SP100: variants seen among roughly 807,000 people sequenced by gnomAD.
SP100 encodes nuclear autoantigen Sp-100.
Under a neutral mutation model 130.0 loss-of-function variants are expected in SP100, and 84 were observed. That is an observed-to-expected ratio of 0.65 (90% CI 0.54 to 0.77). SP100 has a LOEUF of 0.77. Ranked by LOEUF, SP100 falls within the 30% of genes least tolerant of loss-of-function variation. The pLI is 0.00. For missense variants in SP100, 978 were observed against 1,052.2 expected (o/e 0.93, Z 0.97); for synonymous variants, 331 against 351.7 (o/e 0.94, Z 0.66).
chr2:230,473,872 A>G (rs2065398557), intron 16 of SP100, among the ~76,000 whole-genome samples: 1 of 151,570 alleles, frequency 6.6e-6, no homozygotes, highest in Non-Finnish European at 1.5e-5. Context: ...AGCGAGTTCC[A>G]TCCTTGTTCT....
At chr2:230,526,552 C>T (rs534141157) in intron 24 of SP100, among the ~76,000 whole-genome samples, 68 of 151,876 alleles carry the variant, frequency 4.5e-4, no homozygotes, top group African/African-American at 1.2e-3. Context: ...CAAAACTGGA[C>T]GGAGAATGAG....
chr2:230,535,454 T>G (rs71355945), intron 24 of SP100, among the ~76,000 whole-genome samples: 9,628 of 152,292 alleles, frequency 0.063, 395 homozygotes, highest in Middle Eastern at 0.11. Context: ...GGATTTTTTT[T>G]GTTTGAAACA....
rs1489257296 is a variant in SP100 at position 230,468,489 on chromosome 2, A to G, written c.1292-554A>G. Among the ~76,000 whole-genome samples, 3 of 150,216 alleles carry G rather than the reference A, an allele frequency of 2.0e-5. No homozygotes were observed. The East Asian group carries it at 6.0e-4, about 30-fold the overall frequency. The stretch of plus-strand genomic sequence containing the variant: ...TGCCAAATTAGTTAGCTGCAAACCT[A>G]TGAAAACAATACTGGTTATTAAAAT... On this transcript the variant is annotated intron_variant, in intron 13 of 28. Coordinates refer to ENST00000340126, the MANE Select transcript of SP100 (RefSeq NM_001080391.2).
chr2:230,449,086 A>G lies in SP100; in HGVS notation c.524-2A>G. The G allele has an allele frequency of 6.4e-7, 1 of 1,566,804 alleles. No homozygotes were observed. Among genetic ancestry groups the G allele is most frequent in the Non-Finnish European group, 8.8e-7 (1 of 1,136,948 alleles). ...AATAAACTTCTAATTTCTTCCTGCCAGGAACTGGTGAAAACTCTTTTCGAA... is the reference window on the plus strand; with the variant it reads ...AATAAACTTCTAATTTCTTCCTGCCGGGAACTGGTGAAAACTCTTTTCGAA... On this transcript the variant is annotated splice_acceptor_variant, in intron 5 of 28. Coordinates refer to ENST00000340126, the MANE Select transcript of SP100 (RefSeq NM_001080391.2). LOFTEE classifies it high-confidence loss of function.
intron 8 of SP100, among the ~76,000 whole-genome samples, chr2:230,455,364 T>A (rs1437899114): frequency 1.3e-5 from 2 of 152,188 alleles, no homozygotes; most frequent in African/African-American, 4.8e-5. Flanking sequence ...ATGCCTGGTT[T>A]TATCATGACC....
intron 8 of SP100, among the ~76,000 whole-genome samples, chr2:230,460,305 A>T (rs931862705): frequency 1.3e-5 from 2 of 152,204 alleles, no homozygotes; most frequent in Non-Finnish European, 2.9e-5. Context: ...AGTGAAAATA[A>T]TTATACAAAA....
intron 8 of SP100, among the ~76,000 whole-genome samples, chr2:230,459,258 AAAG>A (rs1288337384): frequency 6.6e-6 from 1 of 152,210 alleles, no homozygotes; most frequent in African/African-American, 2.4e-5. Flanking sequence ...TGGATCATGC[AAAG>A]AAGGGAAGAG....
chr2:230,479,861 G>A (rs952935214), intron 17 of SP100, among the ~76,000 whole-genome samples: 2 of 152,186 alleles, frequency 1.3e-5, no homozygotes, highest in Non-Finnish European at 2.9e-5. Flanking sequence ...AGTTCCACAG[G>A]ATAAGGCAGT....
At chr2:230,442,317 C>A (rs1223443909) in intron 2 of SP100, among the ~76,000 whole-genome samples, 1 of 152,058 alleles carries the variant, frequency 6.6e-6, no homozygotes, top group East Asian at 1.9e-4. Flanking sequence ...CCATATATAG[C>A]AATAATACAG....
At chr2:230,462,339 C>T in intron 9 of SP100, 96 bp from the exon 10 acceptor site, 1 of 900,292 alleles carries the variant, frequency 1.1e-6, no homozygotes, top group East Asian at 2.4e-5. Flanking sequence ...ACTTAGCTTC[C>T]TGGGTCTTCC....
intron 25 of SP100, 89 bp from the exon 26 acceptor site, chr2:230,540,787 G>C: frequency 6.7e-7 from 1 of 1,489,950 alleles, no homozygotes; most frequent in Non-Finnish European, 9.1e-7. Flanking sequence ...AAACCACTAG[G>C]CATTCTTGAG....
At chr2:230,433,653 TTC>T (rs1238686080) in intron 2 of SP100, among the ~76,000 whole-genome samples, 1 of 152,052 alleles carries the variant, frequency 6.6e-6, no homozygotes, top group Non-Finnish European at 1.5e-5. Context: ...GATCTTTAAT[TTC>T]TCTCATCAAT....
chr2:230,521,422 CCTAA>C (rs920015903), intron 24 of SP100, among the ~76,000 whole-genome samples: 8 of 152,280 alleles, frequency 5.3e-5, no homozygotes, highest in African/African-American at 1.7e-4. Context: ...CCGGTGCCTG[CCTAA>C]CTGACTATCT....
chr2:230,508,245 T>C, intron 23 of SP100: 1 of 543,114 alleles, frequency 1.8e-6, no homozygotes, highest in Non-Finnish European at 2.9e-6. Flanking sequence ...GGAACAATCC[T>C]CAGAAATAGA....
intron 18 of SP100, among the ~76,000 whole-genome samples, chr2:230,497,360 G>A (rs2066725287): frequency 6.6e-6 from 1 of 151,174 alleles, no homozygotes; most frequent in Non-Finnish European, 1.5e-5. Context: ...TCAAATTGTG[G>A]CCAGGCCATA....
intron 5 of SP100, 53 bp from the exon 6 acceptor site, chr2:230,449,035 G>A (rs2063838926): frequency 2.5e-6 from 3 of 1,181,672 alleles, no homozygotes; most frequent in Non-Finnish European, 3.8e-6. Flanking sequence ...AGGGGAGAAT[G>A]GCAAAATCCA....
chr2:230,509,483 A>C (rs1020091809), intron 23 of SP100: 3 of 152,160 alleles, frequency 2.0e-5, no homozygotes, highest in Non-Finnish European at 4.4e-5. Flanking sequence ...AAACATGTCT[A>C]CCCACTGCCA....
intron 14 of SP100, 103 bp from the exon 15 acceptor site, chr2:230,469,912 C>T (rs192655016): frequency 6.0e-6 from 9 of 1,508,464 alleles, no homozygotes; most frequent in South Asian, 1.3e-5. Context: ...ATTTCTCCCC[C>T]TCCTCCACAA....
At chr2:230,473,303 T>C (rs2065367679) in intron 15 of SP100, 21 bp from the exon 16 acceptor site, 1 of 1,561,950 alleles carries the variant, frequency 6.4e-7, no homozygotes. Flanking sequence ...CAAATAAAAA[T>C]GTTTACAAAT....
Sources: allele counts gnomAD v4.1 joint callset (sites outside exome capture counted in the v4.1 genomes callset), GRCh38; gene constraint gnomAD v4.1.1; transcripts MANE v1.5; gene names NCBI Gene and HGNC (gene_info 2026-07-23, HGNC 2026-07-21).